The following GALNTL6 variants were observed in gnomAD, a reference collection of about 807,000 sequenced individuals.
GALNTL6 encodes polypeptide N-acetylgalactosaminyltransferase-like 6.
In GALNTL6, 46 loss-of-function variants were observed where a neutral mutation model predicts 73.7. The ratio of observed to expected loss-of-function variants is 0.62; its 90% confidence interval spans 0.49 to 0.80. The LOEUF is 0.80. GALNTL6 is among the 30% of genes least tolerant of loss of function. The pLI, the probability that GALNTL6 is intolerant of heterozygous loss-of-function variation, is 0.00. For missense variants in GALNTL6, 604 were observed against 755.0 expected (o/e 0.80, Z 2.34); for synonymous variants, 259 against 263.7 (o/e 0.98, Z 0.17).
At chr4:172,081,425 G>A (rs557814050) in intron 2 of GALNTL6, among the ~76,000 whole-genome samples, 6 of 152,324 alleles carry the variant, frequency 3.9e-5, no homozygotes, top group Admixed American at 2.6e-4. Context: ...GAATCATGAG[G>A]TCAAGAGATC....
intron 2 of GALNTL6, among the ~76,000 whole-genome samples, chr4:171,984,986 C>T (rs1740022206): frequency 6.7e-6 from 1 of 149,656 alleles, no homozygotes; most frequent in Non-Finnish European, 1.5e-5. Context: ...AAAATAAAAT[C>T]AGCAAAAACA....
intron 2 of GALNTL6, among the ~76,000 whole-genome samples, chr4:171,894,286 T>C (rs913933095): frequency 2.6e-5 from 4 of 152,170 alleles, no homozygotes; most frequent in African/African-American, 7.2e-5. Flanking sequence ...ACAACCCATG[T>C]AGAGCAAGGC....
chr4:172,394,746 T>G (rs780855961), intron 5 of GALNTL6, among the ~76,000 whole-genome samples: 16 of 152,044 alleles, frequency 1.1e-4, no homozygotes, highest in Non-Finnish European at 2.1e-4. Flanking sequence ...TTTTATCACT[T>G]GGAAAAGAAG....
At chr4:172,898,219 A>T (rs948965635) in intron 8 of GALNTL6, among the ~76,000 whole-genome samples, 13 of 151,714 alleles carry the variant, frequency 8.6e-5, no homozygotes, top group African/African-American at 1.2e-4. Flanking sequence ...CATATGAACA[A>T]TTTTTTTATT....
chr4:172,056,685 AAT>A (rs546193392), intron 2 of GALNTL6, among the ~76,000 whole-genome samples: 2 of 152,066 alleles, frequency 1.3e-5, no homozygotes, highest in African/African-American at 4.8e-5. Flanking sequence ...TATTTTTAAT[AAT>A]ATAGTTATTT....
chr4:172,136,275 T>G (rs1346601436), intron 2 of GALNTL6, among the ~76,000 whole-genome samples: 1 of 152,106 alleles, frequency 6.6e-6, no homozygotes, highest in Non-Finnish European at 1.5e-5. Context: ...TTTGTAAAAT[T>G]GGATTAAATC....
At chr4:172,902,337 A>AAAG (rs1256023672) in intron 8 of GALNTL6, among the ~76,000 whole-genome samples, 1 of 152,198 alleles carries the variant, frequency 6.6e-6, no homozygotes, top group Non-Finnish European at 1.5e-5. Flanking sequence ...TATCAAACTA[A>AAAG]AAGTTATTAA....
chr4:172,547,938 G>A (rs558964412), intron 5 of GALNTL6, among the ~76,000 whole-genome samples: 3 of 152,160 alleles, frequency 2.0e-5, no homozygotes, highest in East Asian at 3.9e-4. Flanking sequence ...CCCAGTGGTA[G>A]TGCAAGCTGT....
At chr4:171,929,450 C>T (rs1225810984) in intron 2 of GALNTL6, among the ~76,000 whole-genome samples, 1 of 152,196 alleles carries the variant, frequency 6.6e-6, no homozygotes, top group Non-Finnish European at 1.5e-5. Flanking sequence ...CAAGGGCCAA[C>T]TAGACTTGCC....
At chr4:172,697,586 A>T (rs1441361341) in intron 5 of GALNTL6, among the ~76,000 whole-genome samples, 2 of 152,206 alleles carry the variant, frequency 1.3e-5, no homozygotes, top group African/African-American at 4.8e-5. Context: ...GGACAAGTAG[A>T]TTACAAAAGA....
At chr4:172,124,080 G>A (rs1353494587) in intron 2 of GALNTL6, among the ~76,000 whole-genome samples, 4 of 152,152 alleles carry the variant, frequency 2.6e-5, no homozygotes, top group African/African-American at 9.7e-5. Flanking sequence ...TCTGATGGAA[G>A]TTTGTTATAA....
At chr4:172,668,126 A>G (rs905453895) in intron 5 of GALNTL6, 2 of 152,170 alleles carry the variant, frequency 1.3e-5, no homozygotes, top group African/African-American at 2.4e-5. Context: ...GAAAGCATGA[A>G]AAAAGATATT....
intron 5 of GALNTL6, among the ~76,000 whole-genome samples, chr4:172,731,411 T>C (rs1736142890): frequency 6.6e-6 from 1 of 152,132 alleles, no homozygotes; most frequent in Non-Finnish European, 1.5e-5. Flanking sequence ...CTCCTTTTAT[T>C]TGCTGATTTT....
intron 5 of GALNTL6, among the ~76,000 whole-genome samples, chr4:172,622,330 A>C (rs1200318125): frequency 6.6e-6 from 1 of 152,144 alleles, no homozygotes; most frequent in South Asian, 2.1e-4. Context: ...ATAAAAGTAG[A>C]CCCACTCCAA....
intron 2 of GALNTL6, among the ~76,000 whole-genome samples, chr4:171,932,060 G>A (rs999139360): frequency 6.6e-6 from 1 of 152,154 alleles, no homozygotes; most frequent in African/African-American, 2.4e-5. Context: ...TGTTGGAGAA[G>A]AAGACAACAT....
intron 2 of GALNTL6, among the ~76,000 whole-genome samples, chr4:172,175,098 A>G (rs1462225462): frequency 6.7e-6 from 1 of 149,038 alleles, no homozygotes; most frequent in Non-Finnish European, 1.5e-5. Flanking sequence ...TTTTTTTGAG[A>G]CGGAGTCTCA....
intron 2 of GALNTL6, among the ~76,000 whole-genome samples, chr4:172,212,574 AGTTTCATCAC>A (rs1736361030): frequency 6.6e-6 from 1 of 152,218 alleles, no homozygotes; most frequent in African/African-American, 2.4e-5. Context: ...AATATGGAAT[AGTTTCATCAC>A]CCTAGATAAT....
At chr4:172,084,295 T>C (rs116075453) in intron 2 of GALNTL6, among the ~76,000 whole-genome samples, 2 of 152,250 alleles carry the variant, frequency 1.3e-5, no homozygotes, top group African/African-American at 2.4e-5. Flanking sequence ...GAAGTGAATA[T>C]AGAAAACACC....
At chr4:172,265,193 G>T (rs998303808) in intron 3 of GALNTL6, among the ~76,000 whole-genome samples, 2 of 151,944 alleles carry the variant, frequency 1.3e-5, no homozygotes, top group Non-Finnish European at 2.9e-5. Context: ...ATTTCAAGGC[G>T]CAACCGTGAG....
Sources: allele counts gnomAD v4.1 joint callset (sites outside exome capture counted in the v4.1 genomes callset), GRCh38; gene constraint gnomAD v4.1.1; transcripts MANE v1.5; gene names NCBI Gene and HGNC (gene_info 2026-07-23, HGNC 2026-07-21).